MED31: variants seen among roughly 807,000 people sequenced by gnomAD.
MED31 encodes the protein mediator of RNA polymerase II transcription subunit 31.
In MED31, 11 loss-of-function variants were observed where a neutral mutation model predicts 22.0. The ratio of observed to expected loss-of-function variants is 0.50; its 90% CI spans 0.31 to 0.83. The LOEUF is 0.83. Ranked by LOEUF, MED31 falls within the 40% of genes least tolerant of loss-of-function variation. The pLI is 0.04. For synonymous variants in MED31, 60 were observed against 55.1 expected (o/e 1.09, Z -0.40); for missense variants, 122 against 155.3 (o/e 0.79, Z 1.14).
intron 1 of MED31, among the ~76,000 whole-genome samples, chr17:6,650,954 C>T (rs1411133235): frequency 6.6e-6 from 1 of 151,346 alleles, no homozygotes; most frequent in Non-Finnish European, 1.5e-5. Context: ...CCCGTCTCTA[C>T]TAAAAATACA....
chr17:6,651,564 A>T lies in MED31; in HGVS notation c.-36T>A, dbSNP rs1943346133. ...GACACCAAAACGCCACCAGCCTGAC[A>T]GAGCAAAAGCCCAGAGACGCGGGCG... is the stretch of plus-strand genomic sequence containing the variant. On this transcript the variant is annotated 5_prime_UTR_variant, in exon 1 of 4. Transcript: ENST00000225728. 4.3e-6 allele frequency: 7 copies of T among 1,613,808 alleles called. No homozygotes were observed. Among genetic ancestry groups the T allele is most frequent in the Non-Finnish European group, 5.9e-6 (7 of 1,179,826 alleles).
chr17:6,644,407 C>T lies in MED31; in HGVS notation c.*60G>A. 3 of 1,473,266 alleles carry T rather than the reference C, an allele frequency of 2.0e-6. No homozygotes were observed. Among genetic ancestry groups the T allele is most frequent in the African/African-American group, 1.4e-5 (1 of 70,470 alleles). The allele number at this position is 1,473,266 out of a possible 1,614,324, so 91.3% of individuals were successfully genotyped here. On this transcript the variant is annotated 3_prime_UTR_variant, in exon 4 of 4. Coordinates refer to ENST00000225728, the MANE Select transcript of MED31 (RefSeq NM_016060.3). ...GAAGAGTTTTCATTTTTTTTGTCTT[C>T]ACTGTACAAAAGAAATACATTATAT...
intron 3 of MED31, among the ~76,000 whole-genome samples, chr17:6,648,954 G>A (rs994720332): frequency 6.6e-6 from 1 of 152,112 alleles, no homozygotes; most frequent in Non-Finnish European, 1.5e-5. Context: ...TACAATATTC[G>A]TTGAAGTCTA....
At chr17:6,646,504 T>A (rs1398234584) in intron 3 of MED31, among the ~76,000 whole-genome samples, 3 of 152,240 alleles carry the variant, frequency 2.0e-5, no homozygotes, top group African/African-American at 7.2e-5. Context: ...TCTGTAAATT[T>A]AGCCCCAACT....
In MED31 at chr17:6,644,332, T is replaced by A. The variant is rs1253634145; in HGVS notation, c.*135A>T. 7.0e-6 allele frequency: 7 copies of A among 1,000,150 alleles called. No homozygotes were observed. Among genetic ancestry groups the A allele is most frequent in the Non-Finnish European group, 6.8e-6 (5 of 736,946 alleles). The allele number at this position is 1,000,150 out of a possible 1,614,324, so 62.0% of individuals were successfully genotyped here. On this transcript the variant is annotated 3_prime_UTR_variant, in exon 4 of 4. Coordinates refer to ENST00000225728, the MANE Select transcript of MED31 (RefSeq NM_016060.3). ...AGTCTATTAACAATAAAAAGTTGGATGAAAAAGCACACTAAAGGTTCTAGG... is the reference window on the plus strand; with the variant it reads ...AGTCTATTAACAATAAAAAGTTGGAAGAAAAAGCACACTAAAGGTTCTAGG...
In MED31 at chr17:6,643,551, G is replaced by A. The variant is rs999841777; in HGVS notation, c.*916C>T. 2.6e-5 allele frequency: 4 copies of A among 152,780 alleles called. No homozygotes were observed. Among genetic ancestry groups the A allele is most frequent in the African/African-American group, 9.7e-5 (4 of 41,444 alleles). The allele number at this position is 152,780 out of a possible 1,614,324, so 9.5% of individuals were successfully genotyped here. A position where few individuals can be genotyped will look rare whatever the true frequency, so the allele number is the denominator to read the frequency against. Reference sequence around the variant, plus strand: ...GCAGCTGTCTCAATGTGCTTTACTTGGGATGAGGCAGGTGGCGGAGAGCGG... The same window carrying A: ...GCAGCTGTCTCAATGTGCTTTACTTAGGATGAGGCAGGTGGCGGAGAGCGG... On this transcript the variant is annotated 3_prime_UTR_variant, in exon 4 of 4. Transcript: ENST00000225728.
intron 3 of MED31, 119 bp from the exon 4 acceptor site, chr17:6,644,778 G>C: frequency 1.7e-6 from 2 of 1,175,938 alleles, no homozygotes; most frequent in Non-Finnish European, 2.2e-6. Context: ...CAGTAACTTA[G>C]TACACTCTGG....
At chr17:6,651,182 T>A (rs145675220) in intron 1 of MED31, among the ~76,000 whole-genome samples, 1 of 148,628 alleles carries the variant, frequency 6.7e-6, no homozygotes, top group African/African-American at 2.5e-5. Flanking sequence ...CGACGATATT[T>A]CAAACTTAGG....
intron 3 of MED31, among the ~76,000 whole-genome samples, chr17:6,649,332 A>AAT (rs148504146): frequency 0.023 from 3,555 of 151,358 alleles, 152 homozygotes; most frequent in African/African-American, 0.081. Context: ...CTGAATGGTA[A>AAT]ATATATATAT....
chr17:6,649,605 G>A (rs1972806497), intron 3 of MED31, among the ~76,000 whole-genome samples: 1 of 152,202 alleles, frequency 6.6e-6, no homozygotes, highest in South Asian at 2.1e-4. Context: ...GGGCCAGATC[G>A]TATAAGGCTT....
intron 3 of MED31, among the ~76,000 whole-genome samples, chr17:6,645,861 T>C (rs1305442201): frequency 6.6e-6 from 1 of 152,206 alleles, no homozygotes; most frequent in African/African-American, 2.4e-5. Context: ...ACATGTAATA[T>C]GATATTTACA....
chr17:6,644,541 A>G lies in MED31; in HGVS notation c.322T>C (p.Tyr108His), dbSNP rs953959213. 6.2e-7 allele frequency: 1 copy of G among 1,613,700 alleles called. No homozygotes were observed. The highest frequency in any genetic ancestry group is 8.5e-7 in the Non-Finnish European group (1 of 1,179,946). ...TGAAGGCGCATCCGCTTCCGGGAAT[A>G]GTGCTGCCAATGTAGAATCTGCTGT... ...DEQQILHWQHYSRKRMRLQQA... is the reference protein window; with the variant it reads ...DEQQILHWQHHSRKRMRLQQA... Residue 108 changes from tyrosine (Y) to histidine (H), a missense_variant, in exon 4 of 4, where the codon TAT becomes CAT. Tyr to His is a moderately conservative substitution (Grantham distance 83). Transcript: ENST00000225728.
chr17:6,646,669 G>A (rs1972771021), intron 3 of MED31, among the ~76,000 whole-genome samples: 1 of 152,226 alleles, frequency 6.6e-6, no homozygotes, highest in Non-Finnish European at 1.5e-5. Flanking sequence ...ACAATGCACT[G>A]CGGAAGGCCG....
intron 3 of MED31, among the ~76,000 whole-genome samples, chr17:6,649,332 AAT>A (rs148504146): frequency 6.6e-6 from 1 of 151,308 alleles, no homozygotes; most frequent in South Asian, 2.1e-4. Flanking sequence ...CTGAATGGTA[AAT>A]ATATATATAT....
intron 1 of MED31, 126 bp from the exon 2 acceptor site, chr17:6,650,559 G>T (rs1246016661): frequency 2.6e-6 from 2 of 774,686 alleles, no homozygotes; most frequent in Admixed American, 5.9e-5. Context: ...ACTAGGAGTG[G>T]GAGGAGATAA....
At chr17:6,649,224 G>GT (rs755180757) in intron 3 of MED31, among the ~76,000 whole-genome samples, 24 of 57,008 alleles carry the variant, frequency 4.2e-4, no homozygotes, top group Admixed American at 1.0e-3. Context: ...TGTTTTTTTT[G>GT]TTTTTTTTTT....
In MED31 at chr17:6,644,421, A is replaced by T. The variant is rs1972739374; in HGVS notation, c.*46T>A. 3 of 1,506,442 alleles carry T rather than the reference A, an allele frequency of 2.0e-6. No individual in the cohort carries two copies. 93.3% of individuals were successfully genotyped at this position (1,506,442 alleles called of 1,614,324 possible). ...TTTTTTGTCTTCACTGTACAAAAGA[A>T]ATACATTATATACATGTATTAAGTG... is the stretch of plus-strand genomic sequence containing the variant. On this transcript the variant is annotated 3_prime_UTR_variant, in exon 4 of 4. Coordinates refer to ENST00000225728, the MANE Select transcript of MED31 (RefSeq NM_016060.3).
Position 6,651,597 on chromosome 17 carries a change from G to A in MED31, c.-69C>T. On this transcript the variant is annotated 5_prime_UTR_variant, in exon 1 of 4. Transcript: ENST00000225728. ...AGCCCAGAGACGCGGGCGAAGTTCC[G>A]GAAACCACGGCTCCCTCTTCCGGTC... 6.2e-7 allele frequency: 1 copy of A among 1,606,650 alleles called. No homozygotes were observed. The highest frequency in any genetic ancestry group is 1.3e-5 in the African/African-American group (1 of 74,886).
intron 1 of MED31, among the ~76,000 whole-genome samples, chr17:6,650,791 A>C (rs1972822784): frequency 6.6e-6 from 1 of 152,190 alleles, no homozygotes; most frequent in Non-Finnish European, 1.5e-5. Context: ...AACTGTTAAC[A>C]GTGATTAAGT....
Sources: gnomAD v4.1 joint callset for allele counts (sites outside exome capture counted in the v4.1 genomes callset) on GRCh38, gnomAD v4.1.1 for gene constraint, MANE v1.5 for transcripts, NCBI Gene and HGNC (gene_info 2026-07-23, HGNC 2026-07-21) for gene names.